CAGE1: variants seen among roughly 807,000 people sequenced by gnomAD.
CAGE1 encodes the protein cancer antigen 1, also known as cancer-associated gene 1 protein.
A neutral mutation model predicts 94.9 loss-of-function variants in CAGE1; 66 were observed. The ratio of observed to expected loss-of-function variants is 0.70; its 90% confidence interval spans 0.57 to 0.85. The LOEUF is 0.85. Among genes scored for constraint, CAGE1 ranks in the 40% least tolerant of loss-of-function variants. The pLI, the probability that CAGE1 is intolerant of heterozygous loss-of-function variation, is 0.00. For synonymous variants in CAGE1, 319 were observed against 321.0 expected, an observed-to-expected ratio of 0.99 and a Z score of 0.07; for missense variants, 865 against 950.4, an observed-to-expected ratio of 0.91 and a Z score of 1.18.
At chr6:7,380,492 TG>T (rs1320730760) in intron 3 of CAGE1, among the ~76,000 whole-genome samples, 1 of 151,648 alleles carries the variant, frequency 6.6e-6, no homozygotes, top group Non-Finnish European at 1.5e-5. Context: ...CAAAACTTAG[TG>T]GGGCGTGGTG....
At chr6:7,341,982 A>T in intron 11 of CAGE1, 1 of 752,366 alleles carries the variant, frequency 1.3e-6, no homozygotes, top group Middle Eastern at 2.4e-4. Flanking sequence ...GCTTGTTCTC[A>T]CTGGTGCCAA....
At chr6:7,363,309 T>C (rs943807575) in intron 9 of CAGE1, among the ~76,000 whole-genome samples, 2 of 152,088 alleles carry the variant, frequency 1.3e-5, no homozygotes, top group Non-Finnish European at 2.9e-5. Flanking sequence ...AGATAAGGGC[T>C]TTTAAAAACA....
intron 7 of CAGE1, among the ~76,000 whole-genome samples, chr6:7,367,463 C>T (rs1202677038): frequency 5.9e-5 from 9 of 151,896 alleles, no homozygotes; most frequent in East Asian, 1.9e-4. Flanking sequence ...TTTGTAGAGA[C>T]GGAGTTTCCC....
chr6:7,387,863 C>CA (rs70978962), intron 1 of CAGE1, among the ~76,000 whole-genome samples: 2,362 of 108,858 alleles, frequency 0.022, 31 homozygotes, highest in South Asian at 0.044. Context: ...ACTAAAAATA[C>CA]AAAAAAAAAA....
intron 1 of CAGE1, 55 bp from the exon 2 acceptor site, chr6:7,387,251 T>A (rs953360430): frequency 5.5e-6 from 5 of 916,194 alleles, no homozygotes; most frequent in Admixed American, 2.6e-5. Flanking sequence ...TTTTTCCCTA[T>A]CCCTCTTCTC....
intron 11 of CAGE1, among the ~76,000 whole-genome samples, chr6:7,344,181 C>T (rs1341201762): frequency 6.6e-6 from 1 of 152,230 alleles, no homozygotes; most frequent in East Asian, 1.9e-4. Context: ...TGGCCACGGC[C>T]AGAGCTGGCT....
chr6:7,373,633 G>A lies in CAGE1; in HGVS notation c.1186C>T (p.Leu396Phe). Residue 396 changes from leucine (L) to phenylalanine (F), a missense_variant, in exon 5 of 14, where the codon CTT (leucine) becomes TTT (phenylalanine). Leu to Phe is a conservative substitution (Grantham distance 22, BLOSUM62 0). Coordinates refer to ENST00000502583, the MANE Select transcript of CAGE1 (RefSeq NM_001170692.2). ...TCCTTGTCATTCCTGGATTCCTGAA[G>A]ATGTTTTTGCGTGTTAGCTAAAACC... is the stretch of plus-strand genomic sequence containing the variant. ...EEVLANTQKHLQESRNDKEML... is the reference protein window; with the variant it reads ...EEVLANTQKHFQESRNDKEML... The A allele has an allele frequency of 2.5e-6, 4 of 1,613,288 alleles. No homozygotes were observed. Among genetic ancestry groups the A allele is most frequent in the South Asian group, 1.1e-5 (1 of 91,058 alleles).
intron 11 of CAGE1, chr6:7,338,858 G>GGCAC (rs1208298886): frequency 3.7e-5 from 53 of 1,415,186 alleles, no homozygotes; most frequent in Non-Finnish European, 5.3e-5. Context: ...GGTGACTGAG[G>GGCAC]GCACGGCAGG....
In CAGE1 at chr6:7,373,577, C is replaced by T; in HGVS notation, c.1242G>A (p.Lys414=). Residue 414 remains lysine (K), a synonymous_variant, in exon 5 of 14, where the codon AAG becomes AAA. Transcript: ENST00000502583. The part of the protein sequence containing the change: ...EMLQLQFKKI[K]ANYVCLQERY... ...TTTCCTGTAAACACACATAATTAGC[C>T]TTGATCTTCTTAAATTGAAGCTGTA... 1.2e-6 allele frequency: 2 copies of T among 1,613,408 alleles called. No homozygotes were observed. Among genetic ancestry groups the T allele is most frequent in the South Asian group, 1.1e-5 (1 of 91,048 alleles).
intron 11 of CAGE1, chr6:7,341,130 T>C: frequency 1.8e-6 from 1 of 561,380 alleles, no homozygotes; most frequent in Non-Finnish European, 3.5e-6. Flanking sequence ...ACTTGTGAGC[T>C]TCCCACAGCC....
intron 11 of CAGE1, among the ~76,000 whole-genome samples, chr6:7,352,750 AG>A (rs146126976): frequency 3.9e-5 from 6 of 152,372 alleles, no homozygotes; most frequent in African/African-American, 1.4e-4. Flanking sequence ...AAATACTTAT[AG>A]CCAACTGATC....
chr6:7,353,324 CA>C (rs1425250755), intron 11 of CAGE1, among the ~76,000 whole-genome samples: 1 of 152,204 alleles, frequency 6.6e-6, no homozygotes, highest in East Asian at 1.9e-4. Context: ...AAATGCAAAT[CA>C]AAACTACAAT....
In CAGE1 at chr6:7,329,670, G is replaced by T. The variant is rs369679259; in HGVS notation, c.2478+179C>A. Among the ~76,000 whole-genome samples the T allele has an allele frequency of 2.6e-5, 4 of 152,074 alleles. No homozygotes were observed. In the South Asian group the frequency reaches 8.3e-4, roughly 32 times the overall value. On this transcript the variant is annotated intron_variant, in intron 13 of 13. Coordinates refer to ENST00000502583, the MANE Select transcript of CAGE1 (RefSeq NM_001170692.2). The stretch of plus-strand genomic sequence containing the variant: ...GAGCCCTACAAGATTAGAGGGAGGG[G>T]TTTCCAATTATAGCACCAGCTATGA...
chr6:7,387,022 G>A lies in CAGE1; in HGVS notation c.152C>T (p.Pro51Leu). Reference protein sequence around the residue: ...LSQGVMLSHSPICMETTGTTC... With the variant: ...LSQGVMLSHSLICMETTGTTC... ...GGTGCCGGTGGTTTCCATACAGATTGGAGAATGTGAAAGCATTACACCTTG... is the reference window on the plus strand; with the variant it reads ...GGTGCCGGTGGTTTCCATACAGATTAGAGAATGTGAAAGCATTACACCTTG... The change falls in exon 2 of 14, where the codon CCA becomes CTA. Residue 51 changes from proline (P) to leucine (L), a missense_variant. Pro to Leu is a moderately conservative substitution (Grantham distance 98). Transcript: ENST00000502583. 6.4e-7 allele frequency: 1 copy of A among 1,552,034 alleles called. No individual in the cohort carries two copies. Among genetic ancestry groups the A allele is most frequent in the Non-Finnish European group, 8.7e-7 (1 of 1,147,050 alleles).
chr6:7,329,847 A>AC lies in CAGE1; in HGVS notation c.2478+1dup. On this transcript the variant is annotated splice_donor_variant, in intron 13 of 13. Coordinates refer to ENST00000502583, the MANE Select transcript of CAGE1 (RefSeq NM_001170692.2). LOFTEE classifies it high-confidence loss of function. ...TTTATCATGATCATCAAGGTGACCT[A>AC]CCATGGTCATGGACTTCGGATGATT... 7.1e-7 allele frequency: 1 copy of AC among 1,412,592 alleles called. No homozygotes were observed. Among genetic ancestry groups the AC allele is most frequent in the Non-Finnish European group, 9.9e-7 (1 of 1,010,208 alleles). The allele number at this position is 1,412,592 out of a possible 1,614,324, so 87.5% of individuals were successfully genotyped here.
At chr6:7,330,617 C>T (rs1425555589) in intron 12 of CAGE1, among the ~76,000 whole-genome samples, 1 of 152,134 alleles carries the variant, frequency 6.6e-6, no homozygotes, top group Non-Finnish European at 1.5e-5. Flanking sequence ...AAAGCAATGC[C>T]ATAATTTTGA....
chr6:7,345,691 G>A (rs1047937605), intron 11 of CAGE1, among the ~76,000 whole-genome samples: 3 of 152,160 alleles, frequency 2.0e-5, no homozygotes, highest in Non-Finnish European at 2.9e-5. Flanking sequence ...ACTTTGGGAG[G>A]CTGAGGCGGG....
intron 11 of CAGE1, chr6:7,341,639 T>C (rs1381659227): frequency 1.3e-6 from 1 of 746,542 alleles, no homozygotes; most frequent in Non-Finnish European, 2.5e-6. Context: ...GCAACAGTGA[T>C]CTCACTCTCC....
At chr6:7,342,059 G>A (rs1008544498) in intron 11 of CAGE1, 65 of 912,168 alleles carry the variant, frequency 7.1e-5, no homozygotes, top group Middle Eastern at 6.5e-4. Context: ...TTGTAGTCCT[G>A]GAAGCTCGAC....
Sources: allele counts gnomAD v4.1 joint callset (sites outside exome capture counted in the v4.1 genomes callset), GRCh38; gene constraint gnomAD v4.1.1; transcripts MANE v1.5; gene names NCBI Gene and HGNC (gene_info 2026-07-23, HGNC 2026-07-21).